The following PCDH9 variants were observed in gnomAD, a reference collection of about 807,000 sequenced individuals.
The protein encoded by PCDH9 is protocadherin 9.
In PCDH9, 24 loss-of-function variants were observed where a neutral mutation model predicts 70.6. That is an observed-to-expected ratio of 0.34 (90% CI 0.25 to 0.48). The LOEUF (loss-of-function observed/expected upper bound fraction) is 0.48, where lower values mean the gene tolerates loss of function less well. PCDH9 is among the 20% of genes least tolerant of loss of function. PCDH9 has a pLI of 0.99. For synonymous variants in PCDH9, 562 were observed against 558.5 expected, an observed-to-expected ratio of 1.01 and a Z score of -0.09; for missense variants, 1,281 against 1,503.6, an observed-to-expected ratio of 0.85 and a Z score of 2.45.
rs138777119 is a variant in PCDH9 at position 67,017,327 on chromosome 13, T to C, written c.3037-113722A>G. On this transcript the variant is annotated intron_variant, in intron 2 of 4. Transcript: ENST00000377865. ...AGATTTCTGAACGTTCATTCGGTTT[T>C]ACTATAAATGAAGTTTCACTTTAAG... Among the ~76,000 whole-genome samples, 7 of 152,384 alleles carry C rather than the reference T, an allele frequency of 4.6e-5. No homozygotes were observed. The East Asian group carries it at 1.3e-3, about 29-fold the overall frequency.
chr13:66,445,451 T>C (rs867881844), intron 4 of PCDH9, among the ~76,000 whole-genome samples: 5 of 144,336 alleles, frequency 3.5e-5, no homozygotes, highest in South Asian at 2.1e-4. Flanking sequence ...TGTGTGTATA[T>C]ATATACACAT....
intron 4 of PCDH9, among the ~76,000 whole-genome samples, chr13:66,603,171 G>T (rs2077183270): frequency 7.1e-6 from 1 of 141,148 alleles, no homozygotes; most frequent in African/African-American, 2.5e-5. Context: ...AGAAATTAGA[G>T]TTTAAAAGAT....
chr13:66,473,827 G>A (rs1486005345), intron 4 of PCDH9, among the ~76,000 whole-genome samples: 1 of 152,084 alleles, frequency 6.6e-6, no homozygotes. Context: ...AAATTTTGAA[G>A]GAACATATCT....
chr13:66,967,408 A>C (rs1368960418), intron 2 of PCDH9, among the ~76,000 whole-genome samples: 1 of 152,030 alleles, frequency 6.6e-6, no homozygotes, highest in East Asian at 1.9e-4. Context: ...CCTCAATCAC[A>C]CTTGTCACAT....
chr13:66,697,060 T>C (rs2078573516), intron 3 of PCDH9, among the ~76,000 whole-genome samples: 7 of 152,084 alleles, frequency 4.6e-5, no homozygotes, highest in Admixed American at 3.9e-4. Flanking sequence ...ATCACACCAC[T>C]GCACTCTAGC....
At chr13:66,363,545 CAT>C (rs1943430995) in intron 4 of PCDH9, among the ~76,000 whole-genome samples, 1 of 152,032 alleles carries the variant, frequency 6.6e-6, no homozygotes, top group Admixed American at 6.6e-5. Flanking sequence ...TCACAAAAGG[CAT>C]ACACACAACG....
chr13:67,221,765 AGCAATAAACAGCTTACT>A, intron 2 of PCDH9: 1 of 152,162 alleles, frequency 6.6e-6, no homozygotes, highest in Non-Finnish European at 1.5e-5. Context: ...GTTGGGAAAC[AGCAATAAACAGCTTACT>A]GTAAAGCCTC....
rs140029585 is a variant in PCDH9, at chr13:66,350,188, A to T, written c.3341-45160T>A. On this transcript the variant is annotated intron_variant, in intron 4 of 4. Transcript: ENST00000377865. ...AACTTAAGATCTCACCCAAATCATA[A>T]ATTCAACTTGACATAAAGCACATTC... Among the ~76,000 whole-genome samples the T allele has an allele frequency of 3.9e-3, 594 of 152,256 alleles. 2 individuals are homozygous for T. Among genetic ancestry groups the T allele is most frequent in the Non-Finnish European group, 5.0e-3 (340 of 68,006 alleles).
At chr13:66,435,456 G>A (rs1182180892) in intron 4 of PCDH9, among the ~76,000 whole-genome samples, 1 of 151,990 alleles carries the variant, frequency 6.6e-6, no homozygotes, top group East Asian at 1.9e-4. Flanking sequence ...CATTTGCATT[G>A]GTAGCACACT....
At chr13:66,963,414 C>G (rs763968134) in intron 2 of PCDH9, among the ~76,000 whole-genome samples, 1 of 152,348 alleles carries the variant, frequency 6.6e-6, no homozygotes, top group Admixed American at 6.5e-5. Context: ...AGTACAATCT[C>G]ATTTCCAGCA....
chr13:66,548,201 A>C (rs1335764744), intron 4 of PCDH9, among the ~76,000 whole-genome samples: 2 of 152,092 alleles, frequency 1.3e-5, no homozygotes, highest in East Asian at 3.9e-4. Flanking sequence ...TTGTCACTCC[A>C]TTTATTAAAG....
chr13:66,851,363 A>G (rs957760215), intron 3 of PCDH9, among the ~76,000 whole-genome samples: 4 of 152,226 alleles, frequency 2.6e-5, no homozygotes, highest in Non-Finnish European at 5.9e-5. Context: ...CAGTAGGTTT[A>G]TACAATGATG....
At position 66,566,335 on chromosome 13, in the gene PCDH9, C is replaced by A. The variant is rs8002265; in HGVS notation, c.3340+64875G>T. The stretch of plus-strand genomic sequence containing the variant: ...GCCATAAGAATGCAAGCCTGCTGTA[C>A]ATATCCATAAAATATAAGGAGAGCT... On this transcript the variant is annotated intron_variant, in intron 4 of 4. Coordinates refer to ENST00000377865, the MANE Select transcript of PCDH9 (RefSeq NM_203487.3). Among the ~76,000 whole-genome samples, 1,063 of 152,260 alleles carry A rather than the reference C, an allele frequency of 7.0e-3. 19 individuals are homozygous for A. The highest frequency in any genetic ancestry group is 0.024 in the African/African-American group (1,008 of 41,536).
At chr13:66,932,095 A>G (rs2082820954) in intron 2 of PCDH9, among the ~76,000 whole-genome samples, 1 of 152,144 alleles carries the variant, frequency 6.6e-6, no homozygotes, top group Admixed American at 6.6e-5. Context: ...CGTAACAGGA[A>G]GGAAATTGTG....
rs1206569989 is a variant in PCDH9, at chr13:66,993,554, GA to G, written c.3037-89950del. On this transcript the variant is annotated intron_variant, in intron 2 of 4. Transcript: ENST00000377865. ...AACTTGCACAAAGATGATGAATAGGGAAAAAGATTCAAAGTTTTGGCCACTA... is the reference window on the plus strand; with the variant it reads ...AACTTGCACAAAGATGATGAATAGGGAAAAGATTCAAAGTTTTGGCCACTA... Among the ~76,000 whole-genome samples, 3 of 152,158 alleles carry G rather than the reference GA, an allele frequency of 2.0e-5. No individual in the cohort carries two copies. The East Asian group carries it at 5.8e-4, about 29-fold the overall frequency.
At chr13:66,851,203 G>A (rs79446192) in intron 3 of PCDH9, among the ~76,000 whole-genome samples, 8 of 152,148 alleles carry the variant, frequency 5.3e-5, no homozygotes, top group South Asian at 2.1e-4. Flanking sequence ...CAACAAAAGC[G>A]TTAGTATCTA....
At chr13:66,961,436 T>G (rs191504342) in intron 2 of PCDH9, among the ~76,000 whole-genome samples, 9 of 152,320 alleles carry the variant, frequency 5.9e-5, no homozygotes, top group Admixed American at 5.9e-4. Flanking sequence ...AAGTGGGACC[T>G]CAAAGGAAGG....
intron 4 of PCDH9, among the ~76,000 whole-genome samples, chr13:66,317,520 C>T (rs1955675630): frequency 6.6e-6 from 1 of 152,062 alleles, no homozygotes; most frequent in Non-Finnish European, 1.5e-5. Context: ...TTTTGTATCC[C>T]ACCTAACCAT....
intron 3 of PCDH9, among the ~76,000 whole-genome samples, chr13:66,796,771 C>T (rs1465531739): frequency 6.6e-6 from 1 of 151,956 alleles, no homozygotes; most frequent in Admixed American, 6.6e-5. Flanking sequence ...CATATAAATA[C>T]ATAATTATAT....
Sources: gnomAD v4.1 joint callset for allele counts (sites outside exome capture counted in the v4.1 genomes callset) on GRCh38, gnomAD v4.1.1 for gene constraint, MANE v1.5 for transcripts, NCBI Gene and HGNC (gene_info 2026-07-23, HGNC 2026-07-21) for gene names.